The following MECOM variants were observed in gnomAD, a reference collection of about 807,000 sequenced individuals.
The protein encoded by MECOM is MDS1 and EVI1 complex locus, also known as histone-lysine N-methyltransferase MECOM.
In MECOM, 13 loss-of-function variants were observed where a neutral mutation model predicts 116.3. The observed-to-expected ratio is 0.11, with a 90% confidence interval of 0.07 to 0.18. The LOEUF is 0.18. Ranked by LOEUF, MECOM falls within the 10% of genes least tolerant of loss-of-function variation. The probability of loss-of-function intolerance (pLI) is 1.00; values close to 1 mark genes in which losing one functional copy is unlikely to be tolerated. For synonymous variants in MECOM, 528 were observed against 535.2 expected (o/e 0.99, Z 0.19); for missense variants, 1,299 against 1,509.0 (o/e 0.86, Z 2.31).
In MECOM at chr3:169,089,900, T is replaced by C; in HGVS notation, c.3401+100A>G. 3 of 1,470,888 alleles carry C rather than the reference T, an allele frequency of 2.0e-6. No homozygotes were observed. In the African/African-American group the frequency reaches 5.1e-5, roughly 25 times the overall value. 91.1% of individuals were successfully genotyped at this position (1,470,888 alleles called of 1,614,324 possible). A position where few individuals can be genotyped will look rare whatever the true frequency, so the allele number is the denominator to read the frequency against. On this transcript the variant is annotated intron_variant, in intron 15 of 16. Transcript: ENST00000651503. ...TATCCCTTACTAATTCAAGTTTAAT[T>C]TTTGTGATTTATAACTCACAAATTG...
At chr3:169,481,138 A>T (rs1257354469) in intron 1 of MECOM, among the ~76,000 whole-genome samples, 1 of 152,220 alleles carries the variant, frequency 6.6e-6, no homozygotes, top group Non-Finnish European at 1.5e-5. Context: ...TAAAAAAACA[A>T]GTTAAGAAGT....
chr3:169,578,759 C>T lies in MECOM; in HGVS notation c.37+84577G>A, dbSNP rs771768801. Reference sequence around the variant, plus strand: ...TGGGGACCGCTGAATTAATTACAAGCGTACACAAAAGGGTATACTCTTCAA... The same window carrying T: ...TGGGGACCGCTGAATTAATTACAAGTGTACACAAAAGGGTATACTCTTCAA... On this transcript the variant is annotated intron_variant, in intron 1 of 16. Coordinates refer to ENST00000651503, the MANE Select transcript of MECOM (RefSeq NM_004991.4). Among the ~76,000 whole-genome samples the T allele has an allele frequency of 3.6e-4, 55 of 152,270 alleles. 1 individual carries two copies. Among genetic ancestry groups the T allele is most frequent in the East Asian group, 1.9e-4 (1 of 5,188 alleles).
intron 1 of MECOM, among the ~76,000 whole-genome samples, chr3:169,650,624 C>T (rs1774772994): frequency 6.6e-6 from 1 of 152,036 alleles, no homozygotes; most frequent in South Asian, 2.1e-4. Flanking sequence ...GTTTTAGACC[C>T]TTGATCCTCC....
chr3:169,329,320 A>T (rs1262620323), intron 2 of MECOM, among the ~76,000 whole-genome samples: 1 of 152,214 alleles, frequency 6.6e-6, no homozygotes, highest in Non-Finnish European at 1.5e-5. Flanking sequence ...GCTATATTCA[A>T]TTGCTGAGTT....
chr3:169,299,758 A>G (rs1716348132), intron 2 of MECOM, among the ~76,000 whole-genome samples: 1 of 152,230 alleles, frequency 6.6e-6, no homozygotes, highest in Non-Finnish European at 1.5e-5. Context: ...TAGAATAGCT[A>G]AACATTTTTT....
intron 2 of MECOM, among the ~76,000 whole-genome samples, chr3:169,283,717 T>A (rs1050646844): frequency 1.3e-5 from 2 of 152,170 alleles, no homozygotes; most frequent in African/African-American, 4.8e-5. Context: ...TCCTTAAAAT[T>A]ATTTACCTTG....
intron 2 of MECOM, among the ~76,000 whole-genome samples, chr3:169,342,128 CTATT>C (rs1246857505): frequency 1.3e-5 from 2 of 152,024 alleles, no homozygotes; most frequent in African/African-American, 4.8e-5. Flanking sequence ...AGTTATAAGA[CTATT>C]TAAAAATCTC....
chr3:169,098,126 A>G (rs555016474), intron 12 of MECOM, among the ~76,000 whole-genome samples: 2 of 151,932 alleles, frequency 1.3e-5, no homozygotes, highest in African/African-American at 4.8e-5. Flanking sequence ...AGTTCCTCCA[A>G]TGTTAACATC....
chr3:169,662,974 C>T (rs1198439759), intron 1 of MECOM, among the ~76,000 whole-genome samples: 1 of 150,060 alleles, frequency 6.7e-6, no homozygotes, highest in African/African-American at 2.5e-5. Context: ...GAGGGGGAGA[C>T]TTTCTCCTCT....
chr3:169,609,555 G>GT (rs976502597), intron 1 of MECOM, among the ~76,000 whole-genome samples: 7 of 151,912 alleles, frequency 4.6e-5, no homozygotes, highest in African/African-American at 1.5e-4. Context: ...TGGGAGAGGA[G>GT]TAAAACAAGA....
chr3:169,329,844 G>A (rs1722445248), intron 2 of MECOM, among the ~76,000 whole-genome samples: 1 of 152,202 alleles, frequency 6.6e-6, no homozygotes, highest in Non-Finnish European at 1.5e-5. Flanking sequence ...ATTTAAAGCT[G>A]ACTAAGAAAG....
At chr3:169,566,492 A>AATTTGCTG (rs1345053611) in intron 1 of MECOM, among the ~76,000 whole-genome samples, 1 of 152,182 alleles carries the variant, frequency 6.6e-6, no homozygotes, top group Non-Finnish European at 1.5e-5. Flanking sequence ...CTACAACCAC[A>AATTTGCTG]ATTTGCTGAT....
intron 1 of MECOM, among the ~76,000 whole-genome samples, chr3:169,527,729 C>G (rs560130711): frequency 6.6e-6 from 1 of 152,254 alleles, no homozygotes; most frequent in East Asian, 1.9e-4. Flanking sequence ...GACACACACA[C>G]AGACACACAC....
chr3:169,441,424 A>G (rs578134906), intron 1 of MECOM, among the ~76,000 whole-genome samples: 12 of 152,340 alleles, frequency 7.9e-5, no homozygotes, highest in Admixed American at 3.9e-4. Flanking sequence ...CTGTTAGCAC[A>G]TTCACTGACA....
At chr3:169,626,597 C>T (rs944195409) in intron 1 of MECOM, among the ~76,000 whole-genome samples, 4 of 152,180 alleles carry the variant, frequency 2.6e-5, no homozygotes, top group African/African-American at 9.7e-5. Flanking sequence ...GGCCTGACCT[C>T]CACACCAGCC....
intron 2 of MECOM, among the ~76,000 whole-genome samples, chr3:169,186,081 C>T (rs1417201381): frequency 1.3e-5 from 2 of 152,076 alleles, no homozygotes; most frequent in Non-Finnish European, 2.9e-5. Context: ...CCAACCATTG[C>T]CCATACCTAG....
intron 1 of MECOM, among the ~76,000 whole-genome samples, chr3:169,467,707 G>T (rs1448971194): frequency 2.0e-5 from 3 of 152,162 alleles, no homozygotes; most frequent in Non-Finnish European, 4.4e-5. Flanking sequence ...TCAGTGGTAA[G>T]CTTTCATTGT....
At position 169,472,628 on chromosome 3, in the gene MECOM, AAAAGAAAAGG is replaced by A. The variant is rs1578196541; in HGVS notation, c.38-91114_38-91105del. Among the ~76,000 whole-genome samples the A allele has an allele frequency of 1.1e-3, 85 of 77,468 alleles. 1 individual carries two copies. Among genetic ancestry groups the A allele is most frequent in the Admixed American group, 7.2e-3 (54 of 7,540 alleles). 50.8% of individuals were successfully genotyped at this position (77,468 alleles called of 152,430 possible). A position where few individuals can be genotyped will look rare whatever the true frequency, so the allele number is the denominator to read the frequency against. On this transcript the variant is annotated intron_variant, in intron 1 of 16. Transcript: ENST00000651503. ...GAAAGGAAAGGAAAGAAAAGAAAAG[AAAAGAAAAGG>A]AAAGGAAAGGAAAAGAAAAGAAAGG...
At chr3:169,141,920 C>T (rs1738225499) in intron 3 of MECOM, among the ~76,000 whole-genome samples, 1 of 151,898 alleles carries the variant, frequency 6.6e-6, no homozygotes, top group African/African-American at 2.4e-5. Context: ...TCTGTTTTCC[C>T]AGATTAAGTA....
Sources: allele counts gnomAD v4.1 joint callset (sites outside exome capture counted in the v4.1 genomes callset), GRCh38; gene constraint gnomAD v4.1.1; transcripts MANE v1.5; gene names NCBI Gene and HGNC (gene_info 2026-07-23, HGNC 2026-07-21).